The following A1CF variants were observed in gnomAD, a reference collection of about 807,000 sequenced individuals.
A1CF encodes the protein APOBEC1 complementation factor.
A1CF carries 48 observed loss-of-function variants against 68.9 expected under a neutral mutation model. The ratio of observed to expected loss-of-function variants is 0.70; its 90% CI spans 0.55 to 0.89. The LOEUF is 0.89. Ranked by LOEUF, A1CF falls within the 40% of genes least tolerant of loss-of-function variation. The probability of loss-of-function intolerance (pLI) is 0.00; values close to 1 mark genes in which losing one functional copy is unlikely to be tolerated. For synonymous variants in A1CF, 272 were observed against 260.4 expected (o/e 1.04, Z -0.43); for missense variants, 653 against 718.9 (o/e 0.91, Z 1.05).
intron 6 of A1CF, among the ~76,000 whole-genome samples, chr10:50,833,932 A>G (rs991898875): frequency 1.3e-5 from 2 of 152,144 alleles, no homozygotes; most frequent in African/African-American, 2.4e-5. Flanking sequence ...CATAGTGAAT[A>G]TGAGTTGTGG....
chr10:50,874,158 G>A (rs111298759), intron 1 of A1CF, among the ~76,000 whole-genome samples: 2,500 of 152,220 alleles, frequency 0.016, 36 homozygotes, highest in Non-Finnish European at 0.026. Flanking sequence ...TCTTAGGAAA[G>A]TTAAGCATAT....
chr10:50,809,803 T>C, intron 12 of A1CF, 91 bp downstream of exon 12: 4 of 1,555,042 alleles, frequency 2.6e-6, no homozygotes, highest in Non-Finnish European at 3.5e-6. Flanking sequence ...GTAAGTAGGG[T>C]ACACAAACAT....
At chr10:50,864,926 C>T (rs762642329) in intron 1 of A1CF, among the ~76,000 whole-genome samples, 14 of 151,910 alleles carry the variant, frequency 9.2e-5, no homozygotes, top group East Asian at 1.9e-4. Context: ...CCAATCCTCC[C>T]GGCAGGTCTC....
intron 11 of A1CF, among the ~76,000 whole-genome samples, chr10:50,810,659 C>T (rs556339797): frequency 1.4e-4 from 22 of 152,128 alleles, no homozygotes; most frequent in Admixed American, 6.5e-4. Context: ...CTGCCTGTAC[C>T]GGCTACTACA....
intron 1 of A1CF, among the ~76,000 whole-genome samples, chr10:50,877,756 C>T (rs551726449): frequency 6.6e-6 from 1 of 152,268 alleles, no homozygotes; most frequent in East Asian, 1.9e-4. Context: ...GATAATTACC[C>T]AGTTTCCTTC....
At chr10:50,830,395 A>G (rs534239362) in intron 6 of A1CF, among the ~76,000 whole-genome samples, 1 of 152,314 alleles carries the variant, frequency 6.6e-6, no homozygotes, top group African/African-American at 2.4e-5. Flanking sequence ...CATTGTAACT[A>G]ATAAACAAGC....
chr10:50,867,677 A>G (rs1841055470), intron 1 of A1CF, among the ~76,000 whole-genome samples: 1 of 152,224 alleles, frequency 6.6e-6, no homozygotes, highest in African/African-American at 2.4e-5. Context: ...CTATAAGTTT[A>G]TACAAACAAA....
intron 1 of A1CF, among the ~76,000 whole-genome samples, chr10:50,871,692 A>G (rs1171105383): frequency 6.6e-6 from 1 of 152,060 alleles, no homozygotes; most frequent in Admixed American, 6.6e-5. Flanking sequence ...AATAGGTGCT[A>G]TTTCAAATTC....
chr10:50,864,695 C>T (rs528173960), intron 1 of A1CF, among the ~76,000 whole-genome samples: 10 of 152,068 alleles, frequency 6.6e-5, no homozygotes, highest in East Asian at 1.9e-4. Flanking sequence ...CTCAGCTCAC[C>T]GCAACCTCCG....
chr10:50,816,403 C>A, intron 8 of A1CF, 124 bp from the exon 9 acceptor site: 1 of 1,144,046 alleles, frequency 8.7e-7, no homozygotes, highest in Non-Finnish European at 1.2e-6. Context: ...TTGATTGTAT[C>A]TTGTCATTTT....
chr10:50,838,349 G>T (rs533217430), intron 5 of A1CF, among the ~76,000 whole-genome samples: 9 of 151,890 alleles, frequency 5.9e-5, no homozygotes, highest in Non-Finnish European at 1.3e-4. Context: ...GTGAGGGAAG[G>T]GTTGAAAAAA....
intron 6 of A1CF, among the ~76,000 whole-genome samples, chr10:50,831,307 G>A (rs1839225875): frequency 6.6e-6 from 1 of 152,060 alleles, no homozygotes; most frequent in African/African-American, 2.4e-5. Context: ...AACAATCAAT[G>A]GAGTGAAGAG....
At chr10:50,845,771 T>C (rs1043776907) in intron 3 of A1CF, among the ~76,000 whole-genome samples, 11 of 152,080 alleles carry the variant, frequency 7.2e-5, no homozygotes, top group Admixed American at 7.2e-4. Flanking sequence ...CTGGCCAACA[T>C]GGTGAAACCC....
rs1405022900 is a variant in A1CF, at chr10:50,836,079, A to G, written c.599T>C (p.Leu200Pro). 2 of 1,605,706 alleles carry G rather than the reference A, an allele frequency of 1.2e-6. No homozygotes were observed. Among genetic ancestry groups the G allele is most frequent in the East Asian group, 2.2e-5 (1 of 44,722 alleles). The stretch of plus-strand genomic sequence containing the variant: ...TTGAGGAGGGGATTGCTAACCTGGT[A>G]GCAGTTTCCTCCTCGCCATGGCAGC... ...RAAAMARRKL[L>P]PGRIQLWGHG... The change falls in exon 6 of 13, where the codon CTA becomes CCA. Residue 200 changes from leucine to proline, a missense_variant. Coordinates refer to ENST00000373997, the MANE Select transcript of A1CF (RefSeq NM_014576.4).
Position 50,806,913 on chromosome 10 carries a change from G to A in A1CF, c.1610-33C>T, listed in dbSNP as rs1223542242. The A allele has an allele frequency of 3.1e-6, 5 of 1,587,902 alleles. No individual in the cohort carries two copies. In the South Asian group the frequency reaches 4.6e-5, roughly 15 times the overall value. On this transcript the variant is annotated intron_variant, in intron 12 of 12. Transcript: ENST00000373997. The stretch of plus-strand genomic sequence containing the variant: ...AAGAGGCAGAGAAAACTTGATGAAA[G>A]GAATTCACATTTGCTCCCTTTTGGC...
In A1CF at chr10:50,806,581, T is replaced by TAG; in HGVS notation, c.*147_*148insCT. The TAG allele has an allele frequency of 3.6e-6, 2 of 550,706 alleles. No individual in the cohort carries two copies. The highest frequency in any genetic ancestry group is 5.6e-6 in the Non-Finnish European group (2 of 359,958). The allele number at this position is 550,706 out of a possible 1,614,324, so 34.1% of individuals were successfully genotyped here. The stretch of plus-strand genomic sequence containing the variant: ...ATAACGTTCTTACTTCATGATTCTA[T>TAG]AATTGGTATAAGCTATACAGTCTCT... On this transcript the variant is annotated 3_prime_UTR_variant, in exon 13 of 13. Coordinates refer to ENST00000373997, the MANE Select transcript of A1CF (RefSeq NM_014576.4).
intron 10 of A1CF, 65 bp downstream of exon 10, chr10:50,813,792 G>C (rs1229210340): frequency 6.5e-7 from 1 of 1,533,560 alleles, no homozygotes; most frequent in East Asian, 2.3e-5. Context: ...CAAATCATTT[G>C]ATAAAAGTGA....
At chr10:50,811,002 T>C (rs1185003768) in intron 11 of A1CF, 38 bp downstream of exon 11, 5 of 1,591,652 alleles carry the variant, frequency 3.1e-6, no homozygotes, top group Non-Finnish European at 4.3e-6. Context: ...AAGTGTATCC[T>C]GCTCTAAAAT....
At chr10:50,860,911 T>TG (rs1293918748) in intron 2 of A1CF, among the ~76,000 whole-genome samples, 1 of 152,212 alleles carries the variant, frequency 6.6e-6, no homozygotes, top group Non-Finnish European at 1.5e-5. Flanking sequence ...TAGTTATTAG[T>TG]GGCTCAGGGA....
Sources: gnomAD v4.1 joint callset for allele counts (sites outside exome capture counted in the v4.1 genomes callset) on GRCh38, gnomAD v4.1.1 for gene constraint, MANE v1.5 for transcripts, NCBI Gene and HGNC (gene_info 2026-07-23, HGNC 2026-07-21) for gene names.